Variants in DYSF observed in about 807,000 individuals in gnomAD.
The protein encoded by DYSF is dystrophy-associated fer-1-like 1.
A neutral mutation model predicts 274.9 loss-of-function variants in DYSF; 212 were observed. The ratio of observed to expected loss-of-function variants is 0.77; its 90% CI spans 0.69 to 0.86. DYSF has a LOEUF of 0.86. DYSF is among the 40% of genes least tolerant of loss of function. The pLI, the probability that DYSF is intolerant of heterozygous loss-of-function variation, is 0.00. For missense variants in DYSF, 2,666 were observed against 2,783.2 expected (o/e 0.96, Z 0.95); for synonymous variants, 1,091 against 1,078.7 (o/e 1.01, Z -0.22).
At chr2:71,476,108 G>A (rs562876273) in intron 1 of DYSF, among the ~76,000 whole-genome samples, 1 of 152,280 alleles carries the variant, frequency 6.6e-6, no homozygotes, top group South Asian at 2.1e-4. Context: ...GGAACTTGGG[G>A]GGATCCTCAA....
intron 1 of DYSF, among the ~76,000 whole-genome samples, chr2:71,459,559 GC>G (rs1426664619): frequency 6.6e-6 from 1 of 152,192 alleles, no homozygotes; most frequent in Non-Finnish European, 1.5e-5. Context: ...AGGCCCAGGT[GC>G]CACATTCTCT....
Position 71,528,327 on chromosome 2 carries a change from CAG to C in DYSF, c.1308_1309del (p.Gln436HisfsTer7), listed in dbSNP as rs1379806424. The C allele has an allele frequency of 6.2e-7, 1 of 1,614,042 alleles. No homozygotes were observed. Among genetic ancestry groups the C allele is most frequent in the African/African-American group, 1.3e-5 (1 of 74,938 alleles). On this transcript the variant is annotated frameshift_variant, in exon 14 of 56. Transcript: ENST00000410020. LOFTEE classifies it high-confidence loss of function. ...MDDAVMDNVK[Q>X]IFGFESNKKN... ...CGATGCCGTGATGGACAACGTGAAA[CAG>C]ATCTTTGGCTTCGAGAGTAACAAGA... is the stretch of plus-strand genomic sequence containing the variant.
chr2:71,524,366 G>A (rs2087627091), intron 12 of DYSF, among the ~76,000 whole-genome samples: 1 of 152,216 alleles, frequency 6.6e-6, no homozygotes, highest in South Asian at 2.1e-4. Flanking sequence ...CTTGTACACA[G>A]TAGGTGCTCA....
rs778684287 is a variant in DYSF at position 71,598,734 on chromosome 2, C to T, written c.3745C>T (p.His1249Tyr). 8.1e-6 allele frequency: 13 copies of T among 1,612,574 alleles called. No individual in the cohort carries two copies. The highest frequency in any genetic ancestry group is 1.1e-5 in the Non-Finnish European group (13 of 1,180,030). Residue 1249 changes from histidine (H) to tyrosine (Y), a missense_variant, in exon 33 of 56, where the codon CAT becomes TAT. Transcript: ENST00000410020. ...CAGCATTGTGGTGGAGCTGTACGAC[C>T]ATGACACTTATGTGAGTCTGCCCAG... ...PPSIVVELYD[H>Y]DTYGADEFMG...
At chr2:71,540,114 CTTTTTTTTT>C (rs565221959) in intron 17 of DYSF, among the ~76,000 whole-genome samples, 3 of 133,776 alleles carry the variant, frequency 2.2e-5, no homozygotes, top group Non-Finnish European at 4.8e-5. Flanking sequence ...CTTTTTTTTT[CTTTTTTTTT>C]TTTTTTGAGA....
Position 71,568,195 on chromosome 2 carries a change from C to T in DYSF, c.2721C>T (p.Ala907=). ...AETYENETKL[A]LVGNWGTTGL... Reference sequence around the variant, plus strand: ...AGTATGAGAACGAGACTAAGTTGGCCCTTGTTGGGAACTGGGGCACAACGG... The same window carrying T: ...AGTATGAGAACGAGACTAAGTTGGCTCTTGTTGGGAACTGGGGCACAACGG... The change falls in exon 26 of 56, where the codon GCC becomes GCT. Residue 907 remains alanine, a synonymous_variant. Transcript: ENST00000410020. 1 of 1,614,202 alleles carries T rather than the reference C, an allele frequency of 6.2e-7. No individual in the cohort carries two copies. Among genetic ancestry groups the T allele is most frequent in the Non-Finnish European group, 8.5e-7 (1 of 1,180,046 alleles).
At position 71,579,112 on chromosome 2, in the gene DYSF, C is replaced by A. The variant is rs867447212; in HGVS notation, c.3402+4741C>A. Among the ~76,000 whole-genome samples the A allele has an allele frequency of 1.4e-4, 22 of 152,252 alleles. No homozygotes were observed. In the South Asian group the frequency reaches 4.4e-3, roughly 30 times the overall value. On this transcript the variant is annotated intron_variant, in intron 30 of 55. Transcript: ENST00000410020. ...CTCCACCCCACACCCCCTGTGGCCA[C>A]AGCAGCCACCACCGCCGCCTCCCAC...
At chr2:71,676,602 G>A (rs2095226451) in intron 52 of DYSF, among the ~76,000 whole-genome samples, 1 of 150,978 alleles carries the variant, frequency 6.6e-6, no homozygotes, top group South Asian at 2.1e-4. Flanking sequence ...ATGAAGTGAG[G>A]CTTTAGAAAA....
At chr2:71,625,781 A>T (rs1360444796) in intron 41 of DYSF, among the ~76,000 whole-genome samples, 2 of 152,140 alleles carry the variant, frequency 1.3e-5, no homozygotes, top group Non-Finnish European at 2.9e-5. Context: ...AACCATGAAC[A>T]TAATATATCT....
rs767930344 is a variant in DYSF, at chr2:71,552,992, G to C, written c.1807-19G>C. On this transcript the variant is annotated intron_variant, in intron 19 of 55. Coordinates refer to ENST00000410020, the MANE Select transcript of DYSF (RefSeq NM_001130987.2). ...TCTTTGCTCCTCCCGTGACCCTCTG[G>C]TCTACTCTCTGCTCTCAGAAGTACC... is the stretch of plus-strand genomic sequence containing the variant. The C allele has an allele frequency of 1.9e-6, 3 of 1,614,012 alleles. No individual in the cohort carries two copies. Among genetic ancestry groups the C allele is most frequent in the Non-Finnish European group, 1.7e-6 (2 of 1,179,976 alleles).
rs146819460 is a variant in DYSF at position 71,564,130 on chromosome 2, C to A, written c.2482C>A (p.Pro828Thr). Residue 828 changes from proline (P) to threonine (T), a missense_variant, in exon 24 of 56, where the codon CCC becomes ACC. Transcript: ENST00000410020. ...CAAGCGTGTGGCATACCAGCGGGTGCCCGCCCACCAAGTCCTCTTCTCCCG... is the reference window on the plus strand; with the variant it reads ...CAAGCGTGTGGCATACCAGCGGGTGACCGCCCACCAAGTCCTCTTCTCCCG... ...GDKRVAYQRV[P>T]AHQVLFSRRG... is the part of the protein sequence containing the mutation. The A allele has an allele frequency of 4.3e-6, 7 of 1,614,128 alleles. No homozygotes were observed. The highest frequency in any genetic ancestry group is 5.9e-6 in the Non-Finnish European group (7 of 1,180,056).
rs114251140 is a variant in DYSF, at chr2:71,640,088, G to C, written c.4528-3877G>C. On this transcript the variant is annotated intron_variant, in intron 41 of 55. Coordinates refer to ENST00000410020, the MANE Select transcript of DYSF (RefSeq NM_001130987.2). The stretch of plus-strand genomic sequence containing the variant: ...AGTAGTGACCCAATGTCACACCACT[G>C]AGCGTGGCAGGATTTGAACACTGGC... 2.8e-3 allele frequency among the ~76,000 whole-genome samples: 425 copies of C among 152,328 alleles called. 1 individual carries two copies. Among genetic ancestry groups the C allele is most frequent in the Middle Eastern group, 0.027 (8 of 294 alleles).
chr2:71,466,692 A>T, upstream of DYSF: 3 of 1,377,558 alleles, frequency 2.2e-6, no homozygotes, highest in Non-Finnish European at 2.8e-6. Context: ...TCTCCCAGGC[A>T]TTGGTCACTT....
intron 4 of DYSF, among the ~76,000 whole-genome samples, chr2:71,508,437 C>T (rs1338979095): frequency 6.6e-6 from 1 of 152,236 alleles, no homozygotes; most frequent in Non-Finnish European, 1.5e-5. Flanking sequence ...TGTGTTGCAC[C>T]TAGTTGTTTT....
rs756185325 is a variant in DYSF, at chr2:71,526,350, C to T, written c.1276+4C>T. 1.5e-6 allele frequency: 2 copies of T among 1,351,316 alleles called. No homozygotes were observed. Among genetic ancestry groups the T allele is most frequent in the Admixed American group, 2.0e-5 (1 of 50,288 alleles). 83.7% of individuals were successfully genotyped at this position (1,351,316 alleles called of 1,614,324 possible). ...CGGGCCGAGGACTTGCCGCAGAGTGCGTGGGGCGCGCCCTTGGGTGGGAGG... is the reference window on the plus strand; with the variant it reads ...CGGGCCGAGGACTTGCCGCAGAGTGTGTGGGGCGCGCCCTTGGGTGGGAGG... On this transcript the variant is annotated splice_donor_region_variant and intron_variant, in intron 13 of 55. Coordinates refer to ENST00000410020, the MANE Select transcript of DYSF (RefSeq NM_001130987.2).
At chr2:71,686,003 C>T (rs780440116) in intron 55 of DYSF, among the ~76,000 whole-genome samples, 9 of 152,124 alleles carry the variant, frequency 5.9e-5, no homozygotes, top group Non-Finnish European at 8.8e-5. Context: ...TGTGATGACC[C>T]GTAAGCCCTG....
At chr2:71,599,556 G>A (rs962946146) in intron 33 of DYSF, among the ~76,000 whole-genome samples, 2 of 152,196 alleles carry the variant, frequency 1.3e-5, no homozygotes, top group Non-Finnish European at 2.9e-5. Flanking sequence ...GTGTCAGTGC[G>A]AGGCAGAGGC....
chr2:71,494,849 T>TATTGGC (rs1485946335), intron 3 of DYSF, among the ~76,000 whole-genome samples: 2 of 152,250 alleles, frequency 1.3e-5, no homozygotes, highest in Non-Finnish European at 2.9e-5. Flanking sequence ...TCCTTCCTTC[T>TATTGGC]ATTGGCTACA....
At chr2:71,470,318 T>C (rs2081897718) in intron 1 of DYSF, among the ~76,000 whole-genome samples, 1 of 152,010 alleles carries the variant, frequency 6.6e-6, no homozygotes. Flanking sequence ...GTAGGGAAAG[T>C]GGGCTGAAGG....
Sources: allele counts gnomAD v4.1 joint callset (sites outside exome capture counted in the v4.1 genomes callset), GRCh38; gene constraint gnomAD v4.1.1; transcripts MANE v1.5; gene names NCBI Gene and HGNC (gene_info 2026-07-23, HGNC 2026-07-21).